NLRP7: variants seen among roughly 807,000 people sequenced by gnomAD.
NLRP7 encodes NLR family pyrin domain containing 7, also known as NACHT, LRR and PYD domains-containing protein 7.
A neutral mutation model predicts 85.5 loss-of-function variants in NLRP7; 72 were observed. That is an observed-to-expected ratio of 0.84 (90% CI 0.70 to 1.02). NLRP7 has a LOEUF of 1.02. Among genes scored for constraint, NLRP7 ranks in the 50% least tolerant of loss-of-function variants. The pLI is 0.00. For synonymous variants in NLRP7, 550 were observed against 505.2 expected, an observed-to-expected ratio of 1.09 and a Z score of -1.19; for missense variants, 1,243 against 1,219.5, an observed-to-expected ratio of 1.02 and a Z score of -0.29.
exon 5 of NLRP7, chr19:54,938,178 T>C (rs373941247): frequency 1.4e-5 from 22 of 1,613,968 alleles, no homozygotes; most frequent in African/African-American, 1.3e-4. Context: ...AGCAGAAATC[T>C]GTCCAGAGGC....
intron 1 of NLRP7, among the ~76,000 whole-genome samples, chr19:54,962,880 T>A (rs967236184): frequency 7.2e-5 from 11 of 151,964 alleles, no homozygotes; most frequent in African/African-American, 1.4e-4. Context: ...ATTACAGGCG[T>A]GAGGCACCAC....
rs184448422 is a variant in NLRP7, at chr19:54,933,866, G to A, written c.2472-127C>T. ...CTGTTCATCCCCTGCCCTCTGTCCT[G>A]TGGGAGTCATCATGGCCACAAAAGA... On this transcript the variant is annotated intron_variant, in intron 7 of 9. Coordinates refer to ENST00000340844, the Ensembl canonical transcript of NLRP7. The A allele has an allele frequency of 2.8e-4, 232 of 824,956 alleles. 1 individual carries two copies. In the East Asian group the frequency reaches 3.7e-3, roughly 13 times the overall value. 51.1% of individuals were successfully genotyped at this position (824,956 alleles called of 1,614,324 possible). A position where few individuals can be genotyped will look rare whatever the true frequency, so the allele number is the denominator to read the frequency against.
intron 2 of NLRP7, 106 bp downstream of exon 2, chr19:54,941,329 A>C (rs1475888735): frequency 2.4e-6 from 2 of 835,904 alleles, no homozygotes; most frequent in African/African-American, 3.6e-5. Context: ...AGATCTCGCC[A>C]CTGCACTCCA....
intron 1 of NLRP7, among the ~76,000 whole-genome samples, chr19:54,963,893 T>C (rs1035817388): frequency 1.3e-5 from 2 of 151,258 alleles, no homozygotes; most frequent in South Asian, 2.1e-4. Context: ...TTTTCTTTTT[T>C]TTTTTGAGAC....
intron 1 of NLRP7, among the ~76,000 whole-genome samples, chr19:54,955,301 C>G (rs1386320865): frequency 6.6e-6 from 1 of 152,050 alleles, no homozygotes; most frequent in East Asian, 1.9e-4. Flanking sequence ...TGCACTCCAG[C>G]CTGGGCAACA....
chr19:54,955,265 G>A (rs1018289397), intron 1 of NLRP7, among the ~76,000 whole-genome samples: 2 of 151,968 alleles, frequency 1.3e-5, no homozygotes, highest in Non-Finnish European at 1.5e-5. Flanking sequence ...GGTGGCAGAG[G>A]TTGCAGTGAG....
At chr19:54,941,816 G>T in intron 1 of NLRP7, 66 bp from the exon 2 acceptor site, 4 of 1,212,816 alleles carry the variant, frequency 3.3e-6, no homozygotes, top group Non-Finnish European at 4.6e-6. Context: ...AGTTTCCTGT[G>T]TGCCAAGAAC....
chr19:54,935,316 C>T (rs1040097031), intron 6 of NLRP7, among the ~76,000 whole-genome samples: 17 of 152,034 alleles, frequency 1.1e-4, no homozygotes, highest in Admixed American at 1.1e-3. Context: ...CACAACCTGT[C>T]TCCTGGGCTC....
At chr19:54,933,836 C>A (rs1259951221) in intron 7 of NLRP7, 97 bp from the exon 8 acceptor site, 1 of 1,058,596 alleles carries the variant, frequency 9.4e-7, no homozygotes, top group Non-Finnish European at 1.5e-6. Context: ...CAGCTTCAGC[C>A]CTTCCTGTTC....
At chr19:54,949,385 G>A (rs937824441), upstream of NLRP7, among the ~76,000 whole-genome samples, 1 of 151,834 alleles carries the variant, frequency 6.6e-6, no homozygotes, top group Non-Finnish European at 1.5e-5. Context: ...AGACCAGCCT[G>A]GGCAATATGG....
In NLRP7 at chr19:54,965,424, C is replaced by T. The variant is rs1282359207; in HGVS notation, c.-77+616G>A. ...CTGCAACTTCATTTCTTTATTTCTC[C>T]ATTCCACAGTTGGTAAAATTTCTCC... On this transcript the variant is annotated intron_variant, in intron 1 of 2. Coordinates refer to the NLRP7 transcript ENST00000587103. 3 of 99,710 alleles carry T rather than the reference C, an allele frequency of 3.0e-5. 1 individual carries two copies. Among genetic ancestry groups the T allele is most frequent in the African/African-American group, 1.4e-4 (3 of 22,146 alleles). 6.2% of individuals were successfully genotyped at this position (99,710 alleles called of 1,614,324 possible).
At chr19:54,959,383 C>T (rs371669639) in intron 1 of NLRP7, among the ~76,000 whole-genome samples, 6 of 150,736 alleles carry the variant, frequency 4.0e-5, no homozygotes, top group Non-Finnish European at 7.4e-5. Flanking sequence ...GTGATCCACC[C>T]GCCTTGGCCT....
intron 9 of NLRP7, among the ~76,000 whole-genome samples, chr19:54,928,771 C>T (rs1055351427): frequency 6.6e-6 from 1 of 151,504 alleles, no homozygotes; most frequent in Non-Finnish European, 1.5e-5. Flanking sequence ...CGAGGATCCC[C>T]CATAAGGCCC....
intron 9 of NLRP7, among the ~76,000 whole-genome samples, chr19:54,928,293 C>T (rs868387732): frequency 1.4e-4 from 22 of 152,026 alleles, no homozygotes; most frequent in Admixed American, 4.6e-4. Context: ...TCCAGCTACT[C>T]GAGAGGCAGG....
upstream of NLRP7, chr19:54,947,529 G>A (rs1277440448): frequency 7.8e-7 from 1 of 1,289,550 alleles, no homozygotes. Flanking sequence ...GGATAAAAAG[G>A]GGAGGTCTCT....
chr19:54,940,548 C>T (rs2069178937), intron 3 of NLRP7, 82 bp from the exon 4 acceptor site: 3 of 1,489,102 alleles, frequency 2.0e-6, no homozygotes, highest in Non-Finnish European at 2.8e-6. Context: ...AAATGAGGGC[C>T]AGGCACGGTG....
At chr19:54,933,338 G>T (rs1258757775) in intron 8 of NLRP7, among the ~76,000 whole-genome samples, 3 of 151,970 alleles carry the variant, frequency 2.0e-5, no homozygotes, top group African/African-American at 7.3e-5. Context: ...GTACAGACAG[G>T]GTTTCACCAT....
intron 8 of NLRP7, among the ~76,000 whole-genome samples, chr19:54,933,290 C>A (rs1336384148): frequency 3.3e-5 from 5 of 152,084 alleles, no homozygotes; most frequent in Non-Finnish European, 7.4e-5. Context: ...GGACTACAGG[C>A]ATCCGCCACC....
chr19:54,963,543 G>T (rs534024424), intron 1 of NLRP7, among the ~76,000 whole-genome samples: 2 of 151,900 alleles, frequency 1.3e-5, no homozygotes, highest in East Asian at 2.0e-4. Context: ...CAAAAAAAAG[G>T]CTAGGCGCAG....
Sources: allele counts gnomAD v4.1 joint callset (sites outside exome capture counted in the v4.1 genomes callset), GRCh38; gene constraint gnomAD v4.1.1; transcripts MANE v1.5; gene names NCBI Gene and HGNC (gene_info 2026-07-23, HGNC 2026-07-21).